GPD2: variants seen among roughly 807,000 people sequenced by gnomAD.
The protein encoded by GPD2 is glycerol-3-phosphate dehydrogenase 2, also known as glycerol-3-phosphate dehydrogenase, mitochondrial.
In GPD2, 54 loss-of-function variants were observed where a neutral mutation model predicts 82.4. That is an observed-to-expected ratio of 0.66 (90% CI 0.53 to 0.82). GPD2 has a LOEUF of 0.82. Among genes scored for constraint, GPD2 ranks in the 40% least tolerant of loss-of-function variants. GPD2 has a pLI of 0.00. For missense variants in GPD2, 748 were observed against 896.2 expected (o/e 0.83, Z 2.11); for synonymous variants, 288 against 306.1 (o/e 0.94, Z 0.62).
Position 156,575,407 on chromosome 2 carries a change from T to C in GPD2, c.1768-3482T>C, listed in dbSNP as rs904240977. Among the ~76,000 whole-genome samples, 176 of 147,176 alleles carry C rather than the reference T, an allele frequency of 1.2e-3. 1 individual carries two copies. Among genetic ancestry groups the C allele is most frequent in the Middle Eastern group, 0.01 (3 of 286 alleles). ...ATTTTCTTTTCTTTTCTTTTCTTTT[T>C]TTTTTTTTTTTTTGAGACAAGGTCT... On this transcript the variant is annotated intron_variant, in intron 13 of 16. Transcript: ENST00000438166.
At chr2:156,446,534 C>A (rs1474043185) in intron 1 of GPD2, among the ~76,000 whole-genome samples, 1 of 151,572 alleles carries the variant, frequency 6.6e-6, no homozygotes, top group Non-Finnish European at 1.5e-5. Context: ...AGAGAATATG[C>A]ATTTTTGATA....
At chr2:156,481,499 C>T (rs1344246519) in intron 2 of GPD2, among the ~76,000 whole-genome samples, 1 of 151,962 alleles carries the variant, frequency 6.6e-6, no homozygotes, top group Non-Finnish European at 1.5e-5. Context: ...CAGTTCTACT[C>T]TCTATTTCTA....
At chr2:156,479,187 C>T (rs1315904329) in intron 2 of GPD2, among the ~76,000 whole-genome samples, 1 of 152,150 alleles carries the variant, frequency 6.6e-6, no homozygotes, top group East Asian at 1.9e-4. Context: ...AGTTAAATTA[C>T]CTTATATATG....
intron 1 of GPD2, among the ~76,000 whole-genome samples, chr2:156,450,576 T>C (rs941497529): frequency 2.0e-5 from 3 of 152,136 alleles, no homozygotes; most frequent in South Asian, 2.1e-4. Context: ...ATTTGTGATT[T>C]TGACAATTTG....
intron 13 of GPD2, among the ~76,000 whole-genome samples, chr2:156,577,488 GA>G (rs541307058): frequency 1.1e-4 from 16 of 148,680 alleles, no homozygotes; most frequent in South Asian, 4.3e-4. Context: ...CACTGTCTCA[GA>G]AAAAAAAAAG....
chr2:156,561,039 G>GGTTTTTTTTTTTTT (rs1491213527), intron 9 of GPD2, among the ~76,000 whole-genome samples: 1 of 19,526 alleles, frequency 5.1e-5, no homozygotes, highest in African/African-American at 1.4e-4. Flanking sequence ...GTGACATTAA[G>GGTTTTTTTTTTTTT]CTTTTTTTTT....
In GPD2 at chr2:156,529,258, T is replaced by A. The variant is rs1298588275; in HGVS notation, c.661+15762T>A. On this transcript the variant is annotated intron_variant, in intron 6 of 16. Transcript: ENST00000438166. ...CTTCTTTTGAGAAGTGTCTGTTCAT[T>A]TCCTTCGCCCACTTTTTGATGGGGT... 2.6e-5 allele frequency among the ~76,000 whole-genome samples: 4 copies of A among 151,236 alleles called. No homozygotes were observed. In the East Asian group the frequency reaches 7.8e-4, roughly 29 times the overall value.
intron 8 of GPD2, among the ~76,000 whole-genome samples, chr2:156,552,062 G>A (rs143384534): frequency 1.4e-4 from 22 of 152,108 alleles, no homozygotes; most frequent in African/African-American, 5.1e-4. Flanking sequence ...TTGGTTGTCC[G>A]GTAACTAAAT....
chr2:156,400,834 A>G, the GPD2 span, among the ~76,000 whole-genome samples: 8 of 152,200 alleles, frequency 5.3e-5, no homozygotes, highest in Non-Finnish European at 8.8e-5. Context: ...AATCCCCGGC[A>G]TCTCCAAATC....
At chr2:156,582,032 ATCTTT>A (rs1486298830) in intron 16 of GPD2, among the ~76,000 whole-genome samples, 3 of 152,078 alleles carry the variant, frequency 2.0e-5, no homozygotes, top group Non-Finnish European at 2.9e-5. Context: ...GAATAGCTAA[ATCTTT>A]TCTTTTTAAA....
chr2:156,520,355 CA>C (rs10707919), intron 6 of GPD2, among the ~76,000 whole-genome samples: 106,459 of 151,836 alleles, frequency 0.7, 37,483 homozygotes, highest in Middle Eastern at 0.82. Flanking sequence ...GCCTCCTGTC[CA>C]ATATCACTAG....
the GPD2 span, among the ~76,000 whole-genome samples, chr2:156,423,463 C>T: frequency 7.2e-5 from 11 of 152,222 alleles, no homozygotes; most frequent in Non-Finnish European, 1.0e-4. Flanking sequence ...AGTTTCACCA[C>T]CACTGACAAA....
At chr2:156,489,444 G>A (rs1684068630) in intron 2 of GPD2, among the ~76,000 whole-genome samples, 1 of 152,094 alleles carries the variant, frequency 6.6e-6, no homozygotes, top group African/African-American at 2.4e-5. Context: ...TGATTTAGCT[G>A]CATGTTCCAA....
intron 16 of GPD2, among the ~76,000 whole-genome samples, chr2:156,581,876 AG>A (rs1313959364): frequency 6.6e-6 from 1 of 152,034 alleles, no homozygotes; most frequent in African/African-American, 2.4e-5. Context: ...GTGTCTCTAT[AG>A]GCTAAAAGCT....
intron 9 of GPD2, among the ~76,000 whole-genome samples, chr2:156,565,743 A>G (rs916474435): frequency 6.6e-6 from 1 of 152,104 alleles, no homozygotes; most frequent in Non-Finnish European, 1.5e-5. Context: ...ATTTATTTTT[A>G]GCAGAAACCT....
At chr2:156,413,876 C>A in the GPD2 span, among the ~76,000 whole-genome samples, 1 of 152,306 alleles carries the variant, frequency 6.6e-6, no homozygotes, top group East Asian at 1.9e-4. Flanking sequence ...TGACCTCCAG[C>A]CTGGGCAATA....
At chr2:156,565,533 T>C (rs1687356883) in intron 9 of GPD2, among the ~76,000 whole-genome samples, 1 of 152,112 alleles carries the variant, frequency 6.6e-6, no homozygotes, top group African/African-American at 2.4e-5. Context: ...TCCTGTATTG[T>C]CTCCAGTTAG....
At chr2:156,408,711 TAAAAAA>T in the GPD2 span, among the ~76,000 whole-genome samples, 1 of 82,048 alleles carries the variant, frequency 1.2e-5, no homozygotes, top group African/African-American at 4.7e-5. Context: ...CTGCACCTGG[TAAAAAA>T]AAAAAAAAAA....
In GPD2 at chr2:156,568,976, T is replaced by A; in HGVS notation, c.1300+17T>A. On this transcript the variant is annotated intron_variant, in intron 10 of 16. Coordinates refer to ENST00000438166, the MANE Select transcript of GPD2 (RefSeq NM_000408.5). ...CTATAGCAGGTATGAGATACTACCT[T>A]GTTATTTTCTTTTCTTTTTTTTTTT... 6.3e-7 allele frequency: 1 copy of A among 1,585,628 alleles called. No individual in the cohort carries two copies. Among genetic ancestry groups the A allele is most frequent in the Non-Finnish European group, 8.6e-7 (1 of 1,164,364 alleles).
Sources: gnomAD v4.1 joint callset for allele counts (sites outside exome capture counted in the v4.1 genomes callset) on GRCh38, gnomAD v4.1.1 for gene constraint, MANE v1.5 for transcripts, NCBI Gene and HGNC (gene_info 2026-07-23, HGNC 2026-07-21) for gene names.